Variants in BCAS3 observed in about 807,000 individuals in gnomAD.
The protein encoded by BCAS3 is BCAS3 microtubule associated cell migration factor, also known as BCAS4/BCAS3 fusion.
BCAS3 carries 53 observed loss-of-function variants against 116.1 expected under a neutral mutation model. The ratio of observed to expected loss-of-function variants is 0.46; its 90% CI spans 0.37 to 0.57. The LOEUF (loss-of-function observed/expected upper bound fraction) is 0.57, where lower values mean the gene tolerates loss of function less well. Among genes scored for constraint, BCAS3 ranks in the 20% least tolerant of loss-of-function variants. BCAS3 has a pLI of 0.00. For synonymous variants in BCAS3, 391 were observed against 408.2 expected, an observed-to-expected ratio of 0.96 and a Z score of 0.51; for missense variants, 917 against 1,165.4, an observed-to-expected ratio of 0.79 and a Z score of 3.10.
chr17:60,896,601 T>A (rs2057527400), intron 10 of BCAS3, among the ~76,000 whole-genome samples: 1 of 152,140 alleles, frequency 6.6e-6, no homozygotes, highest in South Asian at 2.1e-4. Context: ...TCCAGCTGTT[T>A]TTGACTTTAG....
intron 4 of BCAS3, 150 bp from the exon 5 acceptor site, chr17:60,709,069 A>G (rs1598205859): frequency 1.9e-6 from 1 of 524,222 alleles, no homozygotes; most frequent in Non-Finnish European, 3.4e-6. Flanking sequence ...GCCAGGATGG[A>G]CAACTTTGAG....
intron 22 of BCAS3, among the ~76,000 whole-genome samples, chr17:61,340,481 A>G (rs2057063862): frequency 6.6e-6 from 1 of 152,170 alleles, no homozygotes; most frequent in South Asian, 2.1e-4. Context: ...ACGATGAAGT[A>G]ATCATTTAGG....
chr17:61,065,193 G>A lies in BCAS3; in HGVS notation c.2030-9727G>A, dbSNP rs184192926. Among the ~76,000 whole-genome samples the A allele has an allele frequency of 3.5e-4, 53 of 152,140 alleles. No individual in the cohort carries two copies. In the East Asian group the frequency reaches 8.9e-3, roughly 25 times the overall value. On this transcript the variant is annotated intron_variant, in intron 19 of 23. Transcript: ENST00000407086. This position sits in a 1 kb window ranked among gnomAD's most constrained non-coding sequence, Gnocchi z 4.8. ...TACTACGATTTAAATATGTTTGTTG[G>A]ATATTATAATTCCTCCTCTGTGAAT...
chr17:61,180,266 TGAG>T lies in BCAS3; in HGVS notation c.2425+95703_2425+95705del, dbSNP rs1168015626. On this transcript the variant is annotated intron_variant, in intron 22 of 23. Coordinates refer to ENST00000407086, the MANE Select transcript of BCAS3 (RefSeq NM_017679.5). The surrounding 1 kb of genome is among the most constrained non-coding windows in gnomAD (Gnocchi z 6.0). ...TTCTAATATTCTTTTCTCATTCTAA[TGAG>T]AAGTCTCAGATAATGATGTATTATT... 1.3e-5 allele frequency among the ~76,000 whole-genome samples: 2 copies of T among 152,200 alleles called. No homozygotes were observed. Among genetic ancestry groups the T allele is most frequent in the Non-Finnish European group, 2.9e-5 (2 of 68,028 alleles).
chr17:60,690,776 C>T (rs1370337547), intron 4 of BCAS3, among the ~76,000 whole-genome samples: 2 of 150,338 alleles, frequency 1.3e-5, no homozygotes, highest in Non-Finnish European at 3.0e-5. Flanking sequence ...CAAAATTAGT[C>T]GGGCATAGTG....
rs536390483 is a variant in BCAS3, at chr17:61,165,674, G to A, written c.2425+81110G>A. Among the ~76,000 whole-genome samples, 66 of 152,164 alleles carry A rather than the reference G, an allele frequency of 4.3e-4. 1 individual carries two copies. The South Asian group carries it at 0.013, about 30-fold the overall frequency. On this transcript the variant is annotated intron_variant, in intron 22 of 23. Coordinates refer to ENST00000407086, the MANE Select transcript of BCAS3 (RefSeq NM_017679.5). ...GCACTCCAGTCTGGGTAACAAGAGT[G>A]AAACTCTGTCTCAGAAAAACAAACA...
chr17:60,775,185 T>C (rs752940384), intron 6 of BCAS3, among the ~76,000 whole-genome samples: 1 of 152,224 alleles, frequency 6.6e-6, no homozygotes, highest in Admixed American at 6.5e-5. Flanking sequence ...GAGAAATTTC[T>C]GGAGGTATCA....
At position 61,019,920 on chromosome 17, in the gene BCAS3, T is replaced by C. The variant is rs2065754906; in HGVS notation, c.1637+4019T>C. On this transcript the variant is annotated intron_variant, in intron 16 of 23. Coordinates refer to ENST00000407086, the MANE Select transcript of BCAS3 (RefSeq NM_017679.5). This position sits in a 1 kb window ranked among gnomAD's most constrained non-coding sequence, Gnocchi z 5.6. The stretch of plus-strand genomic sequence containing the variant: ...CTTTCCTAGTATTTTTAAAATAAAA[T>C]CAACAAGAAGTATTTGACATGGATT... Among the ~76,000 whole-genome samples the C allele has an allele frequency of 6.6e-6, 1 of 152,164 alleles. No individual in the cohort carries two copies. Among genetic ancestry groups the C allele is most frequent in the African/African-American group, 2.4e-5 (1 of 41,446 alleles).
chr17:61,321,926 G>T (rs6504038), intron 22 of BCAS3, among the ~76,000 whole-genome samples: 6,429 of 149,952 alleles, frequency 0.043, 433 homozygotes, highest in African/African-American at 0.15. Context: ...CCCGTTTTTT[G>T]TTTGTTTGTT....
rs957996541 is a variant in BCAS3, at chr17:61,324,907, C to T, written c.2426-43420C>T. 1.3e-5 allele frequency among the ~76,000 whole-genome samples: 2 copies of T among 151,880 alleles called. No individual in the cohort carries two copies. Among genetic ancestry groups the T allele is most frequent in the South Asian group, 2.1e-4 (1 of 4,816 alleles). ...TCTCCATGTTCAAAAGTCTAACCTTCGAAGACTTCTAAGAGTTTTAGAAGA... is the reference window on the plus strand; with the variant it reads ...TCTCCATGTTCAAAAGTCTAACCTTTGAAGACTTCTAAGAGTTTTAGAAGA... On this transcript the variant is annotated intron_variant, in intron 22 of 23. Transcript: ENST00000407086. This position sits in a 1 kb window ranked among gnomAD's most constrained non-coding sequence, Gnocchi z 4.6.
chr17:61,056,870 T>G lies in BCAS3; in HGVS notation c.2029+15978T>G, dbSNP rs901734581. On this transcript the variant is annotated intron_variant, in intron 19 of 23. Transcript: ENST00000407086. This position sits in a 1 kb window ranked among gnomAD's most constrained non-coding sequence, Gnocchi z 4.9. Reference sequence around the variant, plus strand: ...TCTCCAGTTATGGAAAACCTCATAGTTGTTAGAACTCTCTCCATGACAAGG... The same window carrying G: ...TCTCCAGTTATGGAAAACCTCATAGGTGTTAGAACTCTCTCCATGACAAGG... 5.9e-5 allele frequency among the ~76,000 whole-genome samples: 9 copies of G among 152,202 alleles called. No individual in the cohort carries two copies. Among genetic ancestry groups the G allele is most frequent in the African/African-American group, 2.2e-4 (9 of 41,454 alleles).
At chr17:60,826,757 A>G (rs1282994051) in intron 7 of BCAS3, among the ~76,000 whole-genome samples, 3 of 152,194 alleles carry the variant, frequency 2.0e-5, no homozygotes, top group Non-Finnish European at 4.4e-5. Flanking sequence ...ATTTGCCTGG[A>G]AATTTAACAG....
chr17:60,962,620 C>G lies in BCAS3; in HGVS notation c.1221+15268C>G, dbSNP rs1016428458. Among the ~76,000 whole-genome samples the G allele has an allele frequency of 5.3e-5, 8 of 151,986 alleles. No individual in the cohort carries two copies. The highest frequency in any genetic ancestry group is 5.2e-4 in the Admixed American group (8 of 15,248). On this transcript the variant is annotated intron_variant, in intron 14 of 23. Transcript: ENST00000407086. This position sits in a 1 kb window ranked among gnomAD's most constrained non-coding sequence, Gnocchi z 4.4. ...TTTTTGCTATTGAGTTACTTGAGCT[C>G]TTTATATATTATAGTTATAAATTCT...
rs1342253868 is a variant in BCAS3 at position 61,243,154 on chromosome 17, C to T, written c.2426-125173C>T. 6.6e-6 allele frequency among the ~76,000 whole-genome samples: 1 copy of T among 152,180 alleles called. No homozygotes were observed. The highest frequency in any genetic ancestry group is 1.5e-5 in the Non-Finnish European group (1 of 68,028). On this transcript the variant is annotated intron_variant, in intron 22 of 23. Coordinates refer to ENST00000407086, the MANE Select transcript of BCAS3 (RefSeq NM_017679.5). The surrounding 1 kb of genome is among the most constrained non-coding windows in gnomAD (Gnocchi z 5.6). ...CTCCATCTCCTGACCTCGTGATCCG[C>T]CCGCCACGGCCTCCCAAAGTGCTGG... is the stretch of plus-strand genomic sequence containing the variant.
chr17:61,311,499 A>G (rs941835290), intron 22 of BCAS3, among the ~76,000 whole-genome samples: 9 of 152,178 alleles, frequency 5.9e-5, no homozygotes, highest in African/African-American at 2.2e-4. Context: ...TTAAATCCAT[A>G]TTAGGACATG....
At chr17:61,268,917 C>T (rs1375717913) in intron 22 of BCAS3, among the ~76,000 whole-genome samples, 2 of 152,018 alleles carry the variant, frequency 1.3e-5, no homozygotes, top group Admixed American at 6.6e-5. Flanking sequence ...AAGAGTCATC[C>T]ATGTTGTAGC....
intron 14 of BCAS3, among the ~76,000 whole-genome samples, chr17:60,969,844 T>C (rs1428793172): frequency 6.6e-6 from 1 of 152,208 alleles, no homozygotes; most frequent in Non-Finnish European, 1.5e-5. Flanking sequence ...GACTTCTCAC[T>C]GGAAACCATG....
At position 61,281,243 on chromosome 17, in the gene BCAS3, G is replaced by A. The variant is rs936783515; in HGVS notation, c.2426-87084G>A. ...TATTTCACAATGCCTATTGTTGGAT[G>A]TATAGATGGTCTTCAATCTTTTGTC... On this transcript the variant is annotated intron_variant, in intron 22 of 23. Coordinates refer to ENST00000407086, the MANE Select transcript of BCAS3 (RefSeq NM_017679.5). This position sits in a 1 kb window ranked among gnomAD's most constrained non-coding sequence, Gnocchi z 4.2. 1.6e-4 allele frequency among the ~76,000 whole-genome samples: 24 copies of A among 152,196 alleles called. No individual in the cohort carries two copies. The highest frequency in any genetic ancestry group is 5.8e-4 in the African/African-American group (24 of 41,440).
chr17:60,732,758 G>C lies in BCAS3; in HGVS notation c.322-14440G>C, dbSNP rs183585782. Among the ~76,000 whole-genome samples, 161 of 152,310 alleles carry C rather than the reference G, an allele frequency of 1.1e-3. 1 individual carries two copies. Among genetic ancestry groups the C allele is most frequent in the Admixed American group, 3.2e-3 (49 of 15,296 alleles). ...GGAGGCTGAGGCAGGAGAATCGCTT[G>C]AACCTGGGAGGCGGAGGTTGCAGTG... is the stretch of plus-strand genomic sequence containing the variant. On this transcript the variant is annotated intron_variant, in intron 5 of 23. Transcript: ENST00000407086.
Sources: allele counts gnomAD v4.1 joint callset (sites outside exome capture counted in the v4.1 genomes callset), GRCh38; gene constraint gnomAD v4.1.1; non-coding constraint Gnocchi (gnomAD v3.1); transcripts MANE v1.5; gene names NCBI Gene and HGNC (gene_info 2026-07-23, HGNC 2026-07-21).